VRK2: variants seen among roughly 807,000 people sequenced by gnomAD.
VRK2 encodes VRK serine/threonine kinase 2.
A neutral mutation model predicts 57.6 loss-of-function variants in VRK2; 60 were observed. That is an observed-to-expected ratio of 1.04 (90% confidence interval 0.85 to 1.29). The LOEUF is 1.29. Ranked by LOEUF, VRK2 falls within the 50% of genes most tolerant of loss-of-function variation. The pLI is 0.00. For synonymous variants in VRK2, 231 were observed against 199.2 expected (o/e 1.16, Z -1.35); for missense variants, 705 against 588.1 (o/e 1.20, Z -2.06).
At chr2:58,155,917 G>GT (rs1395049481) in intron 12 of VRK2, among the ~76,000 whole-genome samples, 2,099 of 134,392 alleles carry the variant, frequency 0.016, 46 homozygotes, top group African/African-American at 0.051. Flanking sequence ...TGTTTTTCAT[G>GT]TTTGTTTTTT....
At position 58,150,960 on chromosome 2, in the gene VRK2, C is replaced by T. The variant is rs571523345; in HGVS notation, c.1182+4486C>T. ...TGGGTATCTTTTTTGTTATTGATTT[C>T]TAATTTAATTTTGCTGTCATCAGAA... On this transcript the variant is annotated intron_variant, in intron 12 of 12. Transcript: ENST00000340157. 4.4e-4 allele frequency among the ~76,000 whole-genome samples: 66 copies of T among 151,490 alleles called. 1 individual carries two copies. Among genetic ancestry groups the T allele is most frequent in the African/African-American group, 1.5e-3 (63 of 41,472 alleles).
At position 58,086,388 on chromosome 2, in the gene VRK2, G is replaced by C. The variant is rs1573016719; in HGVS notation, c.306G>C (p.Leu102=). 20 of 1,604,690 alleles carry C rather than the reference G, an allele frequency of 1.2e-5. No homozygotes were observed. In the African/African-American group the frequency reaches 1.7e-4, roughly 14 times the overall value. Residue 102 remains leucine (L), a synonymous_variant, in exon 5 of 13, where the codon CTG becomes CTC. Transcript: ENST00000340157. ...RKQLDYLGIP[L]FYGSGLTEFK... ...AACTTGATTATTTAGGAATTCCTCT[G>C]TTTTATGGATCTGGTCTGACTGAAT...
intron 1 of VRK2, among the ~76,000 whole-genome samples, chr2:57,968,027 C>T (rs994934650): frequency 2.0e-5 from 3 of 151,870 alleles, no homozygotes; most frequent in African/African-American, 4.8e-5. Flanking sequence ...ATAAGTTATA[C>T]ATGAGATAAA....
intron 11 of VRK2, among the ~76,000 whole-genome samples, chr2:58,140,747 C>T (rs1275720083): frequency 2.0e-5 from 3 of 151,964 alleles, no homozygotes; most frequent in African/African-American, 7.2e-5. Context: ...ATAAAATATC[C>T]TTCTAGTCAT....
At chr2:58,012,952 T>C (rs574314508) in intron 1 of VRK2, among the ~76,000 whole-genome samples, 2 of 152,194 alleles carry the variant, frequency 1.3e-5, no homozygotes, top group African/African-American at 4.8e-5. Flanking sequence ...AAGCTTGACA[T>C]GTCAATATCT....
chr2:58,086,816 A>T (rs139080955), intron 5 of VRK2, among the ~76,000 whole-genome samples: 38 of 152,186 alleles, frequency 2.5e-4, no homozygotes, highest in African/African-American at 8.9e-4. Flanking sequence ...TGTTATGAAA[A>T]ATAGCTGGCT....
In VRK2 at chr2:57,960,943, A is replaced by G. The variant is rs919868574; in HGVS notation, c.-439+53104A>G. Reference sequence around the variant, plus strand: ...AACCATTTCTGTTACCAGCTCTTCCACTGGGTAGCATGCATTTATTCAACA... The same window carrying G: ...AACCATTTCTGTTACCAGCTCTTCCGCTGGGTAGCATGCATTTATTCAACA... On this transcript the variant is annotated intron_variant, in intron 1 of 15. Transcript: ENST00000417641. Among the ~76,000 whole-genome samples the G allele has an allele frequency of 2.0e-5, 3 of 152,344 alleles. No individual in the cohort carries two copies. In the East Asian group the frequency reaches 5.8e-4, roughly 29 times the overall value.
chr2:57,918,389 T>C, intron 1 of VRK2, among the ~76,000 whole-genome samples: 1 of 152,052 alleles, frequency 6.6e-6, no homozygotes, highest in East Asian at 1.9e-4. Flanking sequence ...TAAAATATAG[T>C]TCATTTCTTA....
chr2:57,917,430 C>A (rs1285404538), intron 1 of VRK2, among the ~76,000 whole-genome samples: 1 of 151,040 alleles, frequency 6.6e-6, no homozygotes, highest in African/African-American at 2.4e-5. Context: ...ATCTCTGAGT[C>A]CTAATATATT....
chr2:57,961,975 G>A (rs1671775675), intron 1 of VRK2, among the ~76,000 whole-genome samples: 1 of 152,160 alleles, frequency 6.6e-6, no homozygotes, highest in Non-Finnish European at 1.5e-5. Flanking sequence ...TGCTTGGGAG[G>A]CTGAAGTGGG....
At chr2:58,061,628 C>G (rs1435574416) in intron 2 of VRK2, among the ~76,000 whole-genome samples, 1 of 151,744 alleles carries the variant, frequency 6.6e-6, no homozygotes, top group African/African-American at 2.4e-5. Flanking sequence ...TTATATTCCA[C>G]AGTAAAAATC....
intron 12 of VRK2, among the ~76,000 whole-genome samples, chr2:58,151,759 TTTTTTTTTG>T (rs1683104669): frequency 1.3e-4 from 16 of 123,526 alleles, no homozygotes; most frequent in South Asian, 2.7e-4. Context: ...TTTTTTTTTT[TTTTTTTTTG>T]GTGGTCACTC....
chr2:58,096,143 G>T (rs1465819531), intron 7 of VRK2, among the ~76,000 whole-genome samples: 1 of 151,930 alleles, frequency 6.6e-6, no homozygotes, highest in Non-Finnish European at 1.5e-5. Context: ...ATCTTGATGT[G>T]TTATGGCATA....
At chr2:57,995,106 T>C (rs1486769550) in intron 1 of VRK2, among the ~76,000 whole-genome samples, 1 of 152,182 alleles carries the variant, frequency 6.6e-6, no homozygotes. Context: ...CAAGTGGCAG[T>C]TTCTGTAAGG....
chr2:58,046,667 G>C (rs1674785437), upstream of VRK2: 2 of 985,610 alleles, frequency 2.0e-6, no homozygotes, highest in East Asian at 2.3e-4. Flanking sequence ...AAAGGAACCG[G>C]CTGCGGCCTG....
At chr2:57,925,172 T>C (rs2103916223) in intron 1 of VRK2, among the ~76,000 whole-genome samples, 1 of 152,200 alleles carries the variant, frequency 6.6e-6, no homozygotes, top group Non-Finnish European at 1.5e-5. Flanking sequence ...AGTTTTCTTT[T>C]TTTGATATAT....
chr2:58,073,518 T>C (rs1481508781), intron 2 of VRK2, among the ~76,000 whole-genome samples: 2 of 151,874 alleles, frequency 1.3e-5, no homozygotes, highest in African/African-American at 4.8e-5. Context: ...AGGATTATTA[T>C]GTCTTCCTGA....
chr2:58,041,976 C>G (rs140874601), upstream of VRK2, among the ~76,000 whole-genome samples: 1 of 151,960 alleles, frequency 6.6e-6, no homozygotes, highest in African/African-American at 2.4e-5. Context: ...TTACAAGTAT[C>G]GATTGACGTC....
At chr2:58,066,555 C>A (rs904744349) in intron 2 of VRK2, among the ~76,000 whole-genome samples, 6 of 151,990 alleles carry the variant, frequency 3.9e-5, no homozygotes, top group Non-Finnish European at 7.4e-5. Context: ...CCATCTTTGT[C>A]TAATTTTGTA....
Sources: gnomAD v4.1 joint callset for allele counts (sites outside exome capture counted in the v4.1 genomes callset) on GRCh38, gnomAD v4.1.1 for gene constraint, MANE v1.5 for transcripts, NCBI Gene and HGNC (gene_info 2026-07-23, HGNC 2026-07-21) for gene names.